The following KRT79 variants were observed in gnomAD, a reference collection of about 807,000 sequenced individuals.
KRT79 encodes keratin, type II cytoskeletal 79.
In KRT79, 51 loss-of-function variants were observed where a neutral mutation model predicts 49.0. The observed-to-expected ratio is 1.04, with a 90% confidence interval of 0.83 to 1.31. The LOEUF is 1.31. Ranked by LOEUF, KRT79 falls within the 40% of genes most tolerant of loss-of-function variation. The pLI is 0.00. For synonymous variants in KRT79, 312 were observed against 286.6 expected, an observed-to-expected ratio of 1.09 and a Z score of -0.90; for missense variants, 728 against 688.0, an observed-to-expected ratio of 1.06 and a Z score of -0.65.
Position 52,827,171 on chromosome 12 carries a change from C to A in KRT79, c.856-2809G>T, listed in dbSNP as rs143738686. 3.7e-3 allele frequency among the ~76,000 whole-genome samples: 564 copies of A among 152,318 alleles called. 4 individuals are homozygous for A. Among genetic ancestry groups the A allele is most frequent in the Non-Finnish European group, 5.9e-3 (404 of 68,032 alleles). On this transcript the variant is annotated intron_variant, in intron 4 of 8. Coordinates refer to ENST00000330553, the MANE Select transcript of KRT79 (RefSeq NM_175834.3). ...AGAAGTCTAGCCCTTCCATCAAGAT[C>A]CAACTCAGAAGTCACCTCCCTCGAA...
At chr12:52,823,679 G>C (rs1300500142) in intron 6 of KRT79, among the ~76,000 whole-genome samples, 1 of 152,170 alleles carries the variant, frequency 6.6e-6, no homozygotes, top group African/African-American at 2.4e-5. Context: ...TGTCCCACCT[G>C]CTCTACCACT....
intron 6 of KRT79, 118 bp from the exon 7 acceptor site, chr12:52,823,354 G>A: frequency 1.2e-6 from 1 of 801,040 alleles, no homozygotes; most frequent in Non-Finnish European, 2.1e-6. Context: ...AGCTGGGAAA[G>A]AGAGAAGAGA....
intron 1 of KRT79, among the ~76,000 whole-genome samples, chr12:52,833,567 G>A (rs1344868675): frequency 1.3e-5 from 2 of 152,152 alleles, no homozygotes; most frequent in African/African-American, 4.8e-5. Flanking sequence ...CTCATGAGTA[G>A]ACTGGAGACT....
chr12:52,830,225 G>T lies in KRT79; in HGVS notation c.759+7C>A. ...AAGGACCACCTCCCCCACTCCACTC[G>T]GCTCACCTTCTTGAGCACCACAAAC... On this transcript the variant is annotated splice_region_variant and intron_variant, in intron 3 of 8. Transcript: ENST00000330553. 6.2e-7 allele frequency: 1 copy of T among 1,614,080 alleles called. No individual in the cohort carries two copies.
chr12:52,833,697 G>C, intron 1 of KRT79, 87 bp downstream of exon 1: 1 of 1,053,398 alleles, frequency 9.5e-7, no homozygotes, highest in South Asian at 1.3e-5. Context: ...GTACAAGTGG[G>C]CTACAGCAGC....
intron 2 of KRT79, 56 bp downstream of exon 2, chr12:52,831,350 G>A (rs183692821): frequency 2.0e-6 from 3 of 1,536,646 alleles, no homozygotes; most frequent in South Asian, 1.1e-5. Context: ...CTCTTGGCAG[G>A]TTTCCCACTG....
intron 4 of KRT79, among the ~76,000 whole-genome samples, chr12:52,829,325 G>C (rs1284364589): frequency 2.0e-5 from 3 of 151,934 alleles, no homozygotes; most frequent in African/African-American, 7.3e-5. Context: ...GCCCATTCCT[G>C]CTCCCTCATC....
At chr12:52,822,479 A>G in intron 7 of KRT79, 100 bp from the exon 8 acceptor site, 9 of 768,948 alleles carry the variant, frequency 1.2e-5, no homozygotes, top group South Asian at 1.8e-5. Flanking sequence ...CCACTCAGTG[A>G]ATCCTGATGA....
Position 52,830,032 on chromosome 12 carries a change from G to C in KRT79, c.846C>G (p.Leu282=). The stretch of plus-strand genomic sequence containing the variant: ...CCATTGGCCACCTCACCATTTCATA[G>C]AGTTGCTGCAGGAAGTCAATCTCCT... ...LTQEIDFLQQ[L]YEMELSQVQT... is the part of the protein sequence containing the mutation. The change falls in exon 4 of 9, where the codon CTC becomes CTG. Residue 282 remains leucine (L), a synonymous_variant. Transcript: ENST00000330553. The C allele has an allele frequency of 1.2e-6, 2 of 1,614,112 alleles. No individual in the cohort carries two copies. The highest frequency in any genetic ancestry group is 1.7e-6 in the Non-Finnish European group (2 of 1,179,968).
chr12:52,831,460 C>T lies in KRT79; in HGVS notation c.644G>A (p.Arg215Lys). The change falls in exon 2 of 9, where the codon AGG becomes AAG. Residue 215 changes from arginine (R) to lysine (K), a missense_variant. By Grantham distance (26) the Arg-to-Lys change is conservative. Transcript: ENST00000330553. The part of the protein sequence containing the change: ...TLDRLQSERG[R>K]LDSELRNVQD... ...CACGTTCCTGAGCTCTGAGTCCAGC[C>T]TCCCCCGCTCGCTCTGAAGTCTGTC... 6.2e-7 allele frequency: 1 copy of T among 1,614,230 alleles called. No homozygotes were observed.
intron 4 of KRT79, among the ~76,000 whole-genome samples, chr12:52,826,302 T>C (rs574820918): frequency 2.0e-5 from 3 of 152,086 alleles, no homozygotes; most frequent in South Asian, 4.2e-4. Flanking sequence ...TCCCAGCATT[T>C]TGGGAGTTCA....
rs1442875397 is a variant in KRT79 at position 52,830,212 on chromosome 12, C to T, written c.759+20G>A. 1.2e-6 allele frequency: 2 copies of T among 1,614,020 alleles called. No homozygotes were observed. Among genetic ancestry groups the T allele is most frequent in the Non-Finnish European group, 1.7e-6 (2 of 1,179,988 alleles). Reference sequence around the variant, plus strand: ...ACCCTGGCAGCCAAAGGACCACCTCCCCCACTCCACTCGGCTCACCTTCTT... The same window carrying T: ...ACCCTGGCAGCCAAAGGACCACCTCTCCCACTCCACTCGGCTCACCTTCTT... On this transcript the variant is annotated intron_variant, in intron 3 of 8. Transcript: ENST00000330553.
At chr12:52,829,045 TCA>T (rs1940212807) in intron 4 of KRT79, among the ~76,000 whole-genome samples, 1 of 152,212 alleles carries the variant, frequency 6.6e-6, no homozygotes, top group African/African-American at 2.4e-5. Context: ...AGTAGTGAGC[TCA>T]CTGCCACAGG....
Position 52,823,898 on chromosome 12 carries a change from C to T in KRT79, c.1135G>A (p.Ala379Thr). 6.2e-7 allele frequency: 1 copy of T among 1,613,346 alleles called. No homozygotes were observed. The highest frequency in any genetic ancestry group is 8.5e-7 in the Non-Finnish European group (1 of 1,179,854). ...IQRLQGEADA[A>T]KKQCQQLQTA... ...CAGTAGAGTCCCACCTGCTTCTTGG[C>T]TGCATCAGCCTCCCCCTGCAGCCTC... The change falls in exon 6 of 9, where the codon GCC (alanine) becomes ACC (threonine). Residue 379 changes from alanine (A) to threonine (T), a missense_variant. Physicochemically the swap from Ala to Thr is moderately conservative, Grantham distance 58. Transcript: ENST00000330553.
In KRT79 at chr12:52,831,593, C is replaced by G; in HGVS notation, c.511G>C (p.Glu171Gln). 1 of 1,614,216 alleles carries G rather than the reference C, an allele frequency of 6.2e-7. No homozygotes were observed. The highest frequency in any genetic ancestry group is 8.5e-7 in the Non-Finnish European group (1 of 1,180,042). The change falls in exon 2 of 9, where the codon GAG becomes CAG. Residue 171 changes from glutamate to glutamine, a missense_variant. Coordinates refer to ENST00000330553, the MANE Select transcript of KRT79 (RefSeq NM_175834.3). ...RFLEQQNKVLETKWALLQEQG... is the reference protein window; with the variant it reads ...RFLEQQNKVLQTKWALLQEQG... ...TCCTGCAGCAGTGCCCACTTGGTCT[C>G]CAGCACCTTATTCTGTTGCTCCAGG...
chr12:52,822,967 C>G (rs557002474), intron 7 of KRT79, 49 bp downstream of exon 7: 3 of 1,579,890 alleles, frequency 1.9e-6, no homozygotes, highest in Non-Finnish European at 2.6e-6. Flanking sequence ...GGCTCTCCCC[C>G]AGGGCAGGCC....
At chr12:52,822,275 G>T (rs755137312) in intron 8 of KRT79, 70 bp downstream of exon 8, 3 of 1,503,190 alleles carry the variant, frequency 2.0e-6, no homozygotes, top group Middle Eastern at 1.7e-4. Context: ...ACAGGTACAG[G>T]TTGCATAAAC....
chr12:52,834,060 G>A lies in KRT79; in HGVS notation c.201C>T (p.Gly67=), dbSNP rs773993524. Residue 67 remains glycine, a synonymous_variant, in exon 1 of 9, where the codon GGC becomes GGT. Transcript: ENST00000330553. ...CCACACTGACAGAGATACTCTTGTG[G>A]CCCCCCAAGTTATAGAGGCTTCGGC... The part of the protein sequence containing the change: ...FGSRSLYNLG[G]HKSISVSVAG... 1.2e-5 allele frequency: 19 copies of A among 1,613,506 alleles called. No homozygotes were observed. Among genetic ancestry groups the A allele is most frequent in the African/African-American group, 5.3e-5 (4 of 74,898 alleles).
intron 1 of KRT79, among the ~76,000 whole-genome samples, chr12:52,832,581 C>T (rs1464426630): frequency 6.6e-6 from 1 of 152,028 alleles, no homozygotes; most frequent in African/African-American, 2.4e-5. Flanking sequence ...GACAGTCCCA[C>T]AGGAAAACCA....
Sources: gnomAD v4.1 joint callset for allele counts (sites outside exome capture counted in the v4.1 genomes callset) on GRCh38, gnomAD v4.1.1 for gene constraint, MANE v1.5 for transcripts, NCBI Gene and HGNC (gene_info 2026-07-23, HGNC 2026-07-21) for gene names.